The following C8orf34 variants were observed in gnomAD, a reference collection of about 807,000 sequenced individuals.
C8orf34 encodes uncharacterized protein C8orf34.
C8orf34 carries 65 observed loss-of-function variants against 68.3 expected under a neutral mutation model. The observed-to-expected ratio is 0.95, with a 90% confidence interval of 0.78 to 1.17. The LOEUF is 1.17. Ranked by LOEUF, C8orf34 falls within the 50% of genes most tolerant of loss-of-function variation. The pLI is 0.00. For synonymous variants in C8orf34, 244 were observed against 241.2 expected, an observed-to-expected ratio of 1.01 and a Z score of -0.11; for missense variants, 664 against 655.4, an observed-to-expected ratio of 1.01 and a Z score of -0.14.
chr8:68,780,907 A>T (rs772324408), intron 11 of C8orf34, among the ~76,000 whole-genome samples: 7 of 152,230 alleles, frequency 4.6e-5, no homozygotes, highest in Admixed American at 6.5e-5. Flanking sequence ...TAACGGAAGG[A>T]TTAATTCTTT....
At chr8:68,726,928 A>T (rs985091533) in intron 10 of C8orf34, among the ~76,000 whole-genome samples, 1 of 152,090 alleles carries the variant, frequency 6.6e-6, no homozygotes, top group African/African-American at 2.4e-5. Flanking sequence ...GGACACAGCC[A>T]AACCATATCA....
intron 12 of C8orf34, among the ~76,000 whole-genome samples, chr8:68,794,506 T>TATATATATATATATATACATACA (rs58048066): frequency 1.0e-4 from 6 of 59,006 alleles, no homozygotes; most frequent in African/African-American, 6.3e-4. Context: ...TATATATATA[T>TATATATATATATATATACATACA]TTTTTTTTTT....
chr8:68,769,736 CATTT>C (rs1318874883), intron 10 of C8orf34, among the ~76,000 whole-genome samples: 1 of 152,092 alleles, frequency 6.6e-6, no homozygotes, highest in African/African-American at 2.4e-5. Flanking sequence ...TGTTTTCCTT[CATTT>C]ATTTATTTTT....
chr8:68,749,385 A>G (rs1822628056), intron 10 of C8orf34, among the ~76,000 whole-genome samples: 1 of 152,206 alleles, frequency 6.6e-6, no homozygotes, highest in African/African-American at 2.4e-5. Context: ...CTTAAAATAT[A>G]ATAATAAAAA....
intron 10 of C8orf34, among the ~76,000 whole-genome samples, chr8:68,745,201 A>G (rs530352396): frequency 1.1e-4 from 16 of 152,316 alleles, no homozygotes; most frequent in African/African-American, 3.8e-4. Context: ...TTTTGTCACC[A>G]CCAGGCCTGC....
intron 12 of C8orf34, among the ~76,000 whole-genome samples, chr8:68,795,744 A>C (rs948652044): frequency 6.6e-6 from 1 of 152,182 alleles, no homozygotes; most frequent in African/African-American, 2.4e-5. Context: ...GTCTTTCCTA[A>C]TAGGTGCACA....
intron 1 of C8orf34, among the ~76,000 whole-genome samples, chr8:68,339,216 C>T (rs748527002): frequency 6.6e-6 from 1 of 151,916 alleles, no homozygotes; most frequent in South Asian, 2.1e-4. Context: ...GACATCTTAA[C>T]AACTTTTAGT....
Position 68,709,070 on chromosome 8 carries a change from G to T in C8orf34, c.1318G>T (p.Asp440Tyr). ...ILHSPDEKIPDSFDSLPGTEE... is the reference protein window; with the variant it reads ...ILHSPDEKIPYSFDSLPGTEE... ...CCATTCTCCAGATGAAAAAATCCCA[G>T]ATTCATTCGGTAAGTTTTAAGTCCA... is the stretch of plus-strand genomic sequence containing the variant. The change falls in exon 9 of 14, where the codon GAT (aspartate) becomes TAT (tyrosine). Residue 440 changes from aspartate (D) to tyrosine (Y), a missense_variant. By Grantham distance (160) the Asp-to-Tyr change is radical. Coordinates refer to ENST00000518698, the MANE Select transcript of C8orf34 (RefSeq NM_052958.4). 3 of 1,610,904 alleles carry T rather than the reference G, an allele frequency of 1.9e-6. No individual in the cohort carries two copies. The highest frequency in any genetic ancestry group is 2.5e-6 in the Non-Finnish European group (3 of 1,177,888).
intron 5 of C8orf34, among the ~76,000 whole-genome samples, chr8:68,504,089 G>T (rs1264945456): frequency 6.6e-6 from 1 of 152,052 alleles, no homozygotes; most frequent in Non-Finnish European, 1.5e-5. Flanking sequence ...TCACTCCCCA[G>T]TCCCTCCAAC....
At chr8:68,721,645 C>T (rs1024545976) in intron 10 of C8orf34, among the ~76,000 whole-genome samples, 4 of 151,758 alleles carry the variant, frequency 2.6e-5, no homozygotes, top group East Asian at 1.9e-4. Flanking sequence ...TGCATGTGAG[C>T]ATGCTAAAAG....
At chr8:68,559,598 A>G (rs893325342) in intron 7 of C8orf34, among the ~76,000 whole-genome samples, 1 of 152,202 alleles carries the variant, frequency 6.6e-6, no homozygotes, top group Non-Finnish European at 1.5e-5. Context: ...TCATAAGAAT[A>G]CGTGTGACCT....
Position 68,728,195 on chromosome 8 carries a change from G to C in C8orf34, c.1404+6758G>C, listed in dbSNP as rs1271509886. On this transcript the variant is annotated intron_variant, in intron 10 of 13. Coordinates refer to ENST00000518698, the MANE Select transcript of C8orf34 (RefSeq NM_052958.4). ...AAAGTACCACAAATCTCTAGGACAG[G>C]GGTAAAATGCTGCCAGTCTCTTAGC... is the stretch of plus-strand genomic sequence containing the variant. 3.9e-5 allele frequency among the ~76,000 whole-genome samples: 6 copies of C among 152,256 alleles called. No homozygotes were observed. In the South Asian group the frequency reaches 6.2e-4, roughly 16 times the overall value.
chr8:68,589,355 C>T (rs1004143794), intron 7 of C8orf34, among the ~76,000 whole-genome samples: 6 of 144,966 alleles, frequency 4.1e-5, no homozygotes, highest in African/African-American at 1.3e-4. Context: ...AGTAAGAATA[C>T]AGAGAAAGAA....
chr8:68,717,269 A>T (rs919030630), intron 9 of C8orf34, among the ~76,000 whole-genome samples: 12 of 152,146 alleles, frequency 7.9e-5, no homozygotes, highest in African/African-American at 2.7e-4. Context: ...TGACAAAACT[A>T]TATTTAAAGA....
intron 4 of C8orf34, among the ~76,000 whole-genome samples, chr8:68,479,822 C>G (rs767149719): frequency 6.6e-6 from 1 of 152,130 alleles, no homozygotes; most frequent in Non-Finnish European, 1.5e-5. Context: ...GAAATGAATG[C>G]GCTGGTTAAT....
At chr8:68,345,331 A>T (rs1019572400) in intron 1 of C8orf34, among the ~76,000 whole-genome samples, 4 of 151,964 alleles carry the variant, frequency 2.6e-5, no homozygotes, top group African/African-American at 9.6e-5. Context: ...ACAGAGATTT[A>T]AAAATATTTA....
chr8:68,787,311 T>C, intron 11 of C8orf34, 132 bp from the exon 12 acceptor site: 1 of 543,606 alleles, frequency 1.8e-6, no homozygotes. Context: ...GTTAGAGCTC[T>C]CCTTTTTTTA....
At chr8:68,521,047 T>C (rs534544360) in intron 5 of C8orf34, among the ~76,000 whole-genome samples, 1 of 152,308 alleles carries the variant, frequency 6.6e-6, no homozygotes, top group African/African-American at 2.4e-5. Context: ...GTAGCAAGTC[T>C]TAATAAATAT....
intron 1 of C8orf34, among the ~76,000 whole-genome samples, chr8:68,352,605 A>T (rs1806558685): frequency 6.6e-6 from 1 of 152,050 alleles, no homozygotes; most frequent in South Asian, 2.1e-4. Context: ...TACGCACATG[A>T]TTGTCTCAGG....
Sources: gnomAD v4.1 joint callset for allele counts (sites outside exome capture counted in the v4.1 genomes callset) on GRCh38, gnomAD v4.1.1 for gene constraint, MANE v1.5 for transcripts, NCBI Gene and HGNC (gene_info 2026-07-23, HGNC 2026-07-21) for gene names.